Variants in ERCC6L2 observed in about 807,000 individuals in gnomAD.
ERCC6L2 encodes ERCC excision repair 6 like 2.
A neutral mutation model predicts 132.0 loss-of-function variants in ERCC6L2; 77 were observed. That is an observed-to-expected ratio of 0.58 (90% confidence interval 0.49 to 0.71). ERCC6L2 has a LOEUF of 0.71. Among genes scored for constraint, ERCC6L2 ranks in the 30% least tolerant of loss-of-function variants. The pLI is 0.00. For synonymous variants in ERCC6L2, 583 were observed against 632.4 expected (o/e 0.92, Z 1.17); for missense variants, 1,542 against 1,837.6 (o/e 0.84, Z 2.94).
chr9:95,955,368 ATACT>A (rs1391484912), intron 12 of ERCC6L2, among the ~76,000 whole-genome samples: 5 of 152,196 alleles, frequency 3.3e-5, no homozygotes, highest in South Asian at 4.1e-4. Context: ...TAAACTGTAC[ATACT>A]TCAAGTATAC....
intron 16 of ERCC6L2, among the ~76,000 whole-genome samples, chr9:95,975,246 A>G (rs191726786): frequency 9.1e-4 from 139 of 152,270 alleles, no homozygotes; most frequent in Middle Eastern, 3.4e-3. Flanking sequence ...CCTTAATGTC[A>G]GTCTTCCTCG....
Position 96,012,342 on chromosome 9 carries a change from T to C in ERCC6L2, c.3792T>C (p.Ala1264=), listed in dbSNP as rs1404155335. 2 of 1,361,780 alleles carry C rather than the reference T, an allele frequency of 1.5e-6. No homozygotes were observed. Among genetic ancestry groups the C allele is most frequent in the Admixed American group, 3.8e-5 (2 of 52,424 alleles). The allele number at this position is 1,361,780 out of a possible 1,614,324, so 84.4% of individuals were successfully genotyped here. ...ERQKMLRDFY[A]SQYPEVKEFF... is the part of the protein sequence containing the mutation. ...AGAAAATGCTAAGAGACTTTTATGC[T>C]TCTCAATATCCAGAGGTAAAAGAAT... The change falls in exon 19 of 19, where the codon GCT becomes GCC. Residue 1264 remains alanine, a synonymous_variant. Coordinates refer to ENST00000653738, the MANE Select transcript of ERCC6L2 (RefSeq NM_020207.7).
intron 18 of ERCC6L2, among the ~76,000 whole-genome samples, chr9:96,011,104 A>G (rs1242116390): frequency 6.6e-6 from 1 of 152,214 alleles, no homozygotes; most frequent in Non-Finnish European, 1.5e-5. Context: ...TTGGATTGCC[A>G]TAACAAAATA....
intron 3 of ERCC6L2, among the ~76,000 whole-genome samples, chr9:95,904,575 T>C (rs1828940865): frequency 6.6e-6 from 1 of 152,206 alleles, no homozygotes; most frequent in African/African-American, 2.4e-5. Context: ...TTAATATCTC[T>C]GTACCTCAGT....
At chr9:95,986,613 C>T (rs1833106323) in intron 17 of ERCC6L2, among the ~76,000 whole-genome samples, 1 of 151,384 alleles carries the variant, frequency 6.6e-6, no homozygotes, top group Non-Finnish European at 1.5e-5. Flanking sequence ...TCTCCTGCCT[C>T]AGCCTCCTGA....
intron 11 of ERCC6L2, among the ~76,000 whole-genome samples, chr9:95,936,387 G>C (rs1281021991): frequency 6.6e-6 from 1 of 152,156 alleles, no homozygotes; most frequent in Non-Finnish European, 1.5e-5. Flanking sequence ...GTGGCATCCT[G>C]TTGCAGTGTA....
chr9:96,035,239 C>T (rs1834505973), intron 19 of ERCC6L2, among the ~76,000 whole-genome samples: 1 of 152,142 alleles, frequency 6.6e-6, no homozygotes, highest in Admixed American at 6.5e-5. Context: ...GGGGGCGGGT[C>T]CCAGTAAGGC....
At chr9:95,977,825 G>C (rs1832730438) in intron 16 of ERCC6L2, among the ~76,000 whole-genome samples, 1 of 151,474 alleles carries the variant, frequency 6.6e-6, no homozygotes, top group African/African-American at 2.4e-5. Flanking sequence ...CTCCATTTCA[G>C]GTTTAAAGAT....
chr9:95,932,808 GAA>G (rs1164062890), intron 11 of ERCC6L2, among the ~76,000 whole-genome samples: 1 of 152,092 alleles, frequency 6.6e-6, no homozygotes, highest in Non-Finnish European at 1.5e-5. Flanking sequence ...CAGACCTAAG[GAA>G]TAAACAGCCT....
At chr9:95,980,728 G>GA (rs1355534599) in intron 17 of ERCC6L2, among the ~76,000 whole-genome samples, 8 of 151,836 alleles carry the variant, frequency 5.3e-5, no homozygotes, top group Admixed American at 4.6e-4. Flanking sequence ...TTGCAGTTTT[G>GA]AAAAAAATTA....
chr9:95,878,522 T>C (rs1045802254), intron 1 of ERCC6L2, among the ~76,000 whole-genome samples: 12 of 151,928 alleles, frequency 7.9e-5, no homozygotes, highest in African/African-American at 2.9e-4. Flanking sequence ...TTTTTTATTA[T>C]ACTTTAAGTT....
chr9:95,973,223 T>G, intron 16 of ERCC6L2, 135 bp downstream of exon 16: 4 of 521,378 alleles, frequency 7.7e-6, no homozygotes, highest in Non-Finnish European at 1.2e-5. Context: ...AAGGAACGGT[T>G]GGGTAGCAGG....
At chr9:95,886,085 G>A (rs1827851175) in intron 2 of ERCC6L2, among the ~76,000 whole-genome samples, 4 of 152,070 alleles carry the variant, frequency 2.6e-5, no homozygotes, top group Admixed American at 6.6e-5. Context: ...GCGAGATCTC[G>A]GCTCACTGCA....
intron 17 of ERCC6L2, among the ~76,000 whole-genome samples, chr9:96,003,484 CCTA>C (rs1833758969): frequency 1.3e-5 from 2 of 152,304 alleles, no homozygotes; most frequent in South Asian, 4.1e-4. Flanking sequence ...AAGAAAGTGG[CCTA>C]CTTCTAGCCT....
intron 9 of ERCC6L2, among the ~76,000 whole-genome samples, chr9:95,924,901 G>A (rs889572762): frequency 3.9e-5 from 6 of 152,110 alleles, no homozygotes; most frequent in Non-Finnish European, 7.4e-5. Context: ...CAAACAGATG[G>A]ATAGTAATAA....
chr9:96,023,595 C>T (rs1834323871), intron 19 of ERCC6L2, among the ~76,000 whole-genome samples: 1 of 152,198 alleles, frequency 6.6e-6, no homozygotes, highest in Non-Finnish European at 1.5e-5. Context: ...AAAAAGTACA[C>T]TAAGAAATCA....
intron 12 of ERCC6L2, among the ~76,000 whole-genome samples, chr9:95,952,866 A>G (rs1021423541): frequency 2.0e-5 from 3 of 152,138 alleles, no homozygotes; most frequent in Admixed American, 6.5e-5. Context: ...AACTACTTCA[A>G]CATATAAGGT....
chr9:95,907,997 T>C (rs1465122185), intron 4 of ERCC6L2, among the ~76,000 whole-genome samples: 2 of 152,136 alleles, frequency 1.3e-5, no homozygotes, highest in East Asian at 1.9e-4. Flanking sequence ...CTGAGAGCAA[T>C]AGAGTGCCCC....
chr9:95,970,779 CAA>C, intron 15 of ERCC6L2, 123 bp downstream of exon 15: 1 of 535,522 alleles, frequency 1.9e-6, no homozygotes, highest in Non-Finnish European at 2.8e-6. Context: ...GTCAAGGACA[CAA>C]AGTCAGAGGA....
Sources: allele counts gnomAD v4.1 joint callset (sites outside exome capture counted in the v4.1 genomes callset), GRCh38; gene constraint gnomAD v4.1.1; transcripts MANE v1.5; gene names NCBI Gene and HGNC (gene_info 2026-07-23, HGNC 2026-07-21).